ZC4H2: variants seen among roughly 807,000 people sequenced by gnomAD.
The protein encoded by ZC4H2 is zinc finger C4H2 domain-containing protein.
For missense variants in ZC4H2, 137 were observed against 173.9 expected (o/e 0.79, Z 1.19); for synonymous variants, 84 against 66.3 (o/e 1.27, Z -1.30).
At chrX:64,970,100 A>G (rs1602428371) in intron 1 of ZC4H2, among the ~76,000 whole-genome samples, 1 of 111,883 alleles carries the variant, frequency 8.9e-6, no homozygotes, top group South Asian at 3.7e-4. Context: ...TGCTCAGTAA[A>G]TGTCACTGAA....
intron 1 of ZC4H2, among the ~76,000 whole-genome samples, chrX:65,023,388 A>G (rs937419122): frequency 9.0e-6 from 1 of 111,690 alleles, no homozygotes; most frequent in African/African-American, 3.3e-5. Context: ...AACTTCCAAT[A>G]CTATGTTAAA....
At position 65,015,165 on chromosome X, in the gene ZC4H2, A is replaced by G. The variant is rs941144581; in HGVS notation, c.-272+19464T>C. On this transcript the variant is annotated intron_variant, in intron 1 of 4. Transcript: ENST00000337990. Reference sequence around the variant, plus strand: ...AAGGGAAACAAAATGCCAAGAAATCAGAACCAGTATTCCAGAGCATGCTAG... The same window carrying G: ...AAGGGAAACAAAATGCCAAGAAATCGGAACCAGTATTCCAGAGCATGCTAG... Among the ~76,000 whole-genome samples the G allele has an allele frequency of 2.7e-5, 3 of 111,937 alleles. No homozygotes were observed. In the Admixed American group the frequency reaches 2.8e-4, roughly 11 times the overall value.
At chrX:64,981,543 T>G (rs1320257604) in intron 1 of ZC4H2, among the ~76,000 whole-genome samples, 1 of 110,939 alleles carries the variant, frequency 9.0e-6, no homozygotes, top group Non-Finnish European at 1.9e-5. Context: ...GCATCTAAAA[T>G]GACTCCTGGA....
chrX:65,030,327 C>T (rs1932922021), intron 1 of ZC4H2, among the ~76,000 whole-genome samples: 1 of 109,928 alleles, frequency 9.1e-6, no homozygotes, highest in African/African-American at 3.3e-5. Flanking sequence ...TGCTACATTG[C>T]CCAGGCTGGT....
chrX:64,999,238 G>A (rs913530384), intron 1 of ZC4H2, among the ~76,000 whole-genome samples: 27 of 110,592 alleles, frequency 2.4e-4, no homozygotes, highest in African/African-American at 3.6e-4. Context: ...ACTGAGGTAC[G>A]TGGCTCATCT....
intron 1 of ZC4H2, among the ~76,000 whole-genome samples, chrX:64,999,278 C>A (rs1299330741): frequency 9.0e-6 from 1 of 110,884 alleles, no homozygotes; most frequent in Non-Finnish European, 1.9e-5. Context: ...CTGTGTGCAG[C>A]CCACCACAGA....
intron 1 of ZC4H2, among the ~76,000 whole-genome samples, chrX:65,021,820 G>T (rs755708445): frequency 3.7e-5 from 4 of 109,238 alleles, no homozygotes; most frequent in Non-Finnish European, 7.5e-5. Flanking sequence ...TCAAATAGCT[G>T]CAATATAAAA....
At chrX:64,964,352 G>C (rs1297707198) in intron 1 of ZC4H2, among the ~76,000 whole-genome samples, 1 of 111,125 alleles carries the variant, frequency 9.0e-6, no homozygotes, top group Non-Finnish European at 1.9e-5. Context: ...CACGCCCACT[G>C]ATCCAATAGA....
chrX:64,989,604 A>T (rs1932269037), intron 1 of ZC4H2, among the ~76,000 whole-genome samples: 2 of 112,412 alleles, frequency 1.8e-5, no homozygotes, highest in African/African-American at 3.2e-5. Flanking sequence ...CAAGGTATAC[A>T]CTAGGAGAAA....
chrX:64,938,745 T>C (rs1161545669), intron 1 of ZC4H2, among the ~76,000 whole-genome samples: 1 of 112,032 alleles, frequency 8.9e-6, no homozygotes, highest in Non-Finnish European at 1.9e-5. Context: ...CACCCCTTTA[T>C]GCTAAAAACT....
At chrX:65,013,702 C>T (rs957063380) in intron 1 of ZC4H2, among the ~76,000 whole-genome samples, 2 of 111,459 alleles carry the variant, frequency 1.8e-5, no homozygotes, top group Non-Finnish European at 3.8e-5. Context: ...CTCGAGCTGA[C>T]TAGAGTCCAG....
chrX:64,920,397 C>A, intron 2 of ZC4H2, 144 bp from the exon 3 acceptor site: 1 of 565,451 alleles, frequency 1.8e-6, no homozygotes, highest in Admixed American at 4.1e-5. Context: ...CTCCATGTAA[C>A]TCTGGTCAAG....
chrX:64,930,480 A>G (rs1929691057), intron 1 of ZC4H2, among the ~76,000 whole-genome samples: 1 of 111,805 alleles, frequency 8.9e-6, no homozygotes, highest in Non-Finnish European at 1.9e-5. Flanking sequence ...ATTTTTCCCC[A>G]TTCAGTATAA....
intron 1 of ZC4H2, among the ~76,000 whole-genome samples, chrX:64,929,122 G>A (rs1479020346): frequency 2.7e-5 from 3 of 110,820 alleles, no homozygotes; most frequent in Non-Finnish European, 5.7e-5. Flanking sequence ...CAAACTCCTG[G>A]CCTCCAGTGA....
At chrX:64,923,297 C>T (rs1159088165) in intron 1 of ZC4H2, among the ~76,000 whole-genome samples, 1 of 111,734 alleles carries the variant, frequency 8.9e-6, no homozygotes, top group African/African-American at 3.3e-5. Flanking sequence ...TTGAAGCCTG[C>T]CTCTGGGAAA....
At chrX:64,941,323 A>G (rs189740851) in intron 1 of ZC4H2, among the ~76,000 whole-genome samples, 1 of 112,033 alleles carries the variant, frequency 8.9e-6, no homozygotes, top group Non-Finnish European at 1.9e-5. Context: ...TGAATATACC[A>G]TCATGTCATT....
At chrX:64,918,090 G>A (rs1929015878) in intron 4 of ZC4H2, 194 bp from the exon 5 acceptor site, 1 of 419,110 alleles carries the variant, frequency 2.4e-6, no homozygotes, top group African/African-American at 2.5e-5. Flanking sequence ...TTCAGAGAAT[G>A]GTGTTGAGAA....
chrX:64,935,025 C>A (rs1412606103), intron 1 of ZC4H2, among the ~76,000 whole-genome samples: 4 of 110,962 alleles, frequency 3.6e-5, no homozygotes, highest in African/African-American at 1.3e-4. Flanking sequence ...GCCAAGTAGT[C>A]TTGCTCAGTG....
chrX:64,935,425 C>G (rs142823389), intron 1 of ZC4H2, among the ~76,000 whole-genome samples: 17 of 112,331 alleles, frequency 1.5e-4, no homozygotes, highest in African/African-American at 5.2e-4. Flanking sequence ...CACTGTGTGA[C>G]AGCTCTGAAG....
Sources: gnomAD v4.1 joint callset for allele counts (sites outside exome capture counted in the v4.1 genomes callset) on GRCh38, gnomAD v4.1.1 for gene constraint, MANE v1.5 for transcripts, NCBI Gene and HGNC (gene_info 2026-07-23, HGNC 2026-07-21) for gene names.